Variants in PUM1 observed in about 807,000 individuals in gnomAD.
PUM1 encodes pumilio homolog 1.
PUM1 carries 13 observed loss-of-function variants against 131.8 expected under a neutral mutation model. The observed-to-expected ratio is 0.10, with a 90% CI of 0.06 to 0.16. The LOEUF is 0.16. Among genes scored for constraint, PUM1 ranks in the 10% least tolerant of loss-of-function variants. The probability of loss-of-function intolerance (pLI) is 1.00; values close to 1 mark genes in which losing one functional copy is unlikely to be tolerated. For missense variants in PUM1, 961 were observed against 1,512.4 expected (o/e 0.64, Z 6.05); for synonymous variants, 509 against 556.5 (o/e 0.91, Z 1.20).
At chr1:30,952,437 ATAGAC>A in intron 15 of PUM1, 74 bp from the exon 16 acceptor site, 1 of 1,603,084 alleles carries the variant, frequency 6.2e-7, no homozygotes, top group South Asian at 1.1e-5. Context: ...ACCTCGGTTT[ATAGAC>A]TGCATCCGTT....
At chr1:31,006,890 G>C (rs1298094203) in intron 4 of PUM1, 104 bp downstream of exon 4, 3 of 818,120 alleles carry the variant, frequency 3.7e-6, no homozygotes, top group Non-Finnish European at 6.0e-6. Context: ...GACACTGCTT[G>C]ACATGCTTAT....
intron 7 of PUM1, among the ~76,000 whole-genome samples, chr1:30,989,143 T>G (rs927738955): frequency 3.9e-5 from 6 of 152,222 alleles, no homozygotes; most frequent in Non-Finnish European, 8.8e-5. Context: ...TCTAGTTATT[T>G]TTCTTCAACC....
intron 3 of PUM1, among the ~76,000 whole-genome samples, chr1:31,023,624 T>G (rs1643113824): frequency 2.0e-5 from 3 of 152,130 alleles, no homozygotes; most frequent in Non-Finnish European, 2.9e-5. Context: ...AGACAGTGAA[T>G]AAGTCACTTT....
At chr1:31,026,278 GA>G (rs1180883671) in intron 3 of PUM1, among the ~76,000 whole-genome samples, 1 of 150,330 alleles carries the variant, frequency 6.7e-6, no homozygotes, top group Admixed American at 6.6e-5. Context: ...AAAAGAAAAG[GA>G]AAAAAAAGCT....
intron 16 of PUM1, among the ~76,000 whole-genome samples, chr1:30,950,494 A>C (rs1025585798): frequency 2.6e-5 from 4 of 152,242 alleles, no homozygotes; most frequent in Non-Finnish European, 5.9e-5. Flanking sequence ...GATACCCAAC[A>C]ATAGGTAGTT....
intron 2 of PUM1, among the ~76,000 whole-genome samples, chr1:31,045,285 C>T (rs1208466667): frequency 6.6e-6 from 1 of 152,050 alleles, no homozygotes; most frequent in African/African-American, 2.4e-5. Flanking sequence ...AAGCGCCCAC[C>T]CCCACACCCG....
rs1357939210 is a variant in PUM1 at position 31,062,171 on chromosome 1, G to GT, written c.-11-2595dup. Among the ~76,000 whole-genome samples, 3 of 152,288 alleles carry GT rather than the reference G, an allele frequency of 2.0e-5. No individual in the cohort carries two copies. The East Asian group carries it at 5.8e-4, about 29-fold the overall frequency. ...TTCTTTCTACTAACCCCTTGCAGGA[G>GT]TAACTCAACAATATGTCTCATTTGT... On this transcript the variant is annotated intron_variant, in intron 1 of 21. Coordinates refer to ENST00000426105, the MANE Select transcript of PUM1 (RefSeq NM_001020658.2).
intron 7 of PUM1, chr1:30,982,189 T>A (rs1001396190): frequency 6.6e-6 from 1 of 152,140 alleles, no homozygotes; most frequent in African/African-American, 2.4e-5. Context: ...GAAAAGAAAG[T>A]TCAAAGGCCT....
At chr1:30,969,627 T>C (rs1055400794) in intron 10 of PUM1, among the ~76,000 whole-genome samples, 2 of 152,076 alleles carry the variant, frequency 1.3e-5, no homozygotes, top group Non-Finnish European at 2.9e-5. Context: ...GCCACTCTGA[T>C]AAAGGATCTA....
intron 2 of PUM1, among the ~76,000 whole-genome samples, chr1:31,056,314 C>T (rs750439392): frequency 1.3e-5 from 2 of 152,078 alleles, no homozygotes; most frequent in Non-Finnish European, 2.9e-5. Flanking sequence ...GAGTTTCGCT[C>T]TTGTCACTCA....
intron 2 of PUM1, among the ~76,000 whole-genome samples, chr1:31,038,974 A>ATTTTTTTTTT (rs1557599182): frequency 5.9e-4 from 18 of 30,694 alleles, no homozygotes; most frequent in African/African-American, 4.9e-3. Context: ...ATATATATAT[A>ATTTTTTTTTT]TATATATATA....
intron 5 of PUM1, among the ~76,000 whole-genome samples, chr1:31,000,969 G>C (rs148728054): frequency 6.6e-6 from 1 of 151,984 alleles, no homozygotes; most frequent in Non-Finnish European, 1.5e-5. Flanking sequence ...GGCGGATCAC[G>C]AGGTCAGGAG....
At chr1:31,011,148 A>C (rs568318154) in intron 3 of PUM1, among the ~76,000 whole-genome samples, 1 of 140,668 alleles carries the variant, frequency 7.1e-6, no homozygotes, top group South Asian at 2.3e-4. Context: ...ACAGAGTGAG[A>C]CCCTATCTCT....
intron 2 of PUM1, among the ~76,000 whole-genome samples, chr1:31,035,700 G>A (rs184766835): frequency 6.6e-6 from 1 of 151,952 alleles, no homozygotes. Context: ...GCAGTGAACC[G>A]AGATAGCGCC....
chr1:31,014,317 A>G (rs1642732786), intron 3 of PUM1, among the ~76,000 whole-genome samples: 1 of 150,658 alleles, frequency 6.6e-6, no homozygotes, highest in Non-Finnish European at 1.5e-5. Context: ...AAAAAAAAAA[A>G]AAAAAATCTA....
chr1:30,961,137 G>A (rs1640387173), intron 14 of PUM1, among the ~76,000 whole-genome samples: 1 of 151,758 alleles, frequency 6.6e-6, no homozygotes, highest in Non-Finnish European at 1.5e-5. Context: ...AAGTTGGAGT[G>A]GGCCGAGATC....
chr1:31,023,374 T>C (rs968454344), intron 3 of PUM1, among the ~76,000 whole-genome samples: 3 of 152,178 alleles, frequency 2.0e-5, no homozygotes, highest in East Asian at 1.9e-4. Context: ...GGCACCCTAA[T>C]TGCAAAGAAC....
intron 2 of PUM1, among the ~76,000 whole-genome samples, chr1:31,034,280 G>T (rs1643533633): frequency 6.6e-6 from 1 of 152,168 alleles, no homozygotes; most frequent in Non-Finnish European, 1.5e-5. Flanking sequence ...TGCCTGATTA[G>T]AGAAACCAAA....
At chr1:30,987,521 G>T (rs1300402388) in intron 7 of PUM1, among the ~76,000 whole-genome samples, 1 of 152,084 alleles carries the variant, frequency 6.6e-6, no homozygotes, top group East Asian at 1.9e-4. Context: ...TTTCTAAACT[G>T]CATTTAAGGA....
Sources: allele counts gnomAD v4.1 joint callset (sites outside exome capture counted in the v4.1 genomes callset), GRCh38; gene constraint gnomAD v4.1.1; transcripts MANE v1.5; gene names NCBI Gene and HGNC (gene_info 2026-07-23, HGNC 2026-07-21).